ADAM17: variants seen among roughly 807,000 people sequenced by gnomAD.
ADAM17 encodes the protein disintegrin and metalloproteinase domain-containing protein 17.
Under a neutral mutation model 96.7 loss-of-function variants are expected in ADAM17, and 39 were observed. The observed-to-expected ratio is 0.40, with a 90% CI of 0.31 to 0.53. The LOEUF is 0.53. Among genes scored for constraint, ADAM17 ranks in the 20% least tolerant of loss-of-function variants. The probability of loss-of-function intolerance (pLI) is 0.44; values close to 1 mark genes in which losing one functional copy is unlikely to be tolerated. For missense variants in ADAM17, 777 were observed against 1,013.2 expected (o/e 0.77, Z 3.17); for synonymous variants, 344 against 359.2 (o/e 0.96, Z 0.48).
intron 6 of ADAM17, among the ~76,000 whole-genome samples, chr2:9,524,553 C>T (rs1664443420): frequency 6.6e-6 from 1 of 152,154 alleles, no homozygotes; most frequent in Non-Finnish European, 1.5e-5. Flanking sequence ...CACCCCCGCA[C>T]TGTTCCTGGG....
chr2:9,555,346 C>G (rs910782402), intron 1 of ADAM17, among the ~76,000 whole-genome samples, 163 bp downstream of exon 1: 6 of 152,294 alleles, frequency 3.9e-5, no homozygotes, highest in East Asian at 1.9e-4. Flanking sequence ...TTTATTCTTT[C>G]CCCAAACTCC....
intron 10 of ADAM17, among the ~76,000 whole-genome samples, chr2:9,511,309 G>A (rs1490398775): frequency 1.3e-5 from 2 of 152,132 alleles, no homozygotes; most frequent in African/African-American, 2.4e-5. Flanking sequence ...AATTAGCTGG[G>A]TGTGGTGGCG....
At chr2:9,512,250 A>G (rs1283646811) in intron 10 of ADAM17, 3 of 108,606 alleles carry the variant, frequency 2.8e-5, no homozygotes, top group African/African-American at 8.3e-5. Flanking sequence ...GGATTTGCTA[A>G]TGACTCTTAA....
intron 2 of ADAM17, among the ~76,000 whole-genome samples, chr2:9,542,298 G>A (rs961001385): frequency 6.6e-6 from 1 of 152,168 alleles, no homozygotes; most frequent in African/African-American, 2.4e-5. Flanking sequence ...CCAGCACTTT[G>A]GGAGGCCAAG....
intron 1 of ADAM17, among the ~76,000 whole-genome samples, chr2:9,546,580 G>C (rs1193753739): frequency 2.6e-5 from 4 of 152,092 alleles, no homozygotes; most frequent in African/African-American, 7.2e-5. Context: ...CATTTCCCAA[G>C]AGTTTATCTC....
chr2:9,514,488 A>G (rs934960382), intron 10 of ADAM17, among the ~76,000 whole-genome samples: 1 of 140,734 alleles, frequency 7.1e-6, no homozygotes, highest in South Asian at 2.4e-4. Context: ...CGTTGTGCAC[A>G]TGTATCCTAG....
chr2:9,541,286 G>A (rs1327788896), intron 2 of ADAM17, among the ~76,000 whole-genome samples: 3 of 152,128 alleles, frequency 2.0e-5, no homozygotes, highest in African/African-American at 7.2e-5. Flanking sequence ...TTTTGGGTCG[G>A]GCACGGTGGC....
At position 9,533,787 on chromosome 2, in the gene ADAM17, G is replaced by A. The variant is rs144785910; in HGVS notation, c.450+2047C>T. 7.9e-5 allele frequency among the ~76,000 whole-genome samples: 12 copies of A among 152,206 alleles called. 1 individual carries two copies. The East Asian group carries it at 2.3e-3, about 29-fold the overall frequency. On this transcript the variant is annotated intron_variant, in intron 4 of 18. Transcript: ENST00000310823. ...TTCTCTAGCTCTGTTTTCTTTCTGT[G>A]AGAACTACAGAGGACATGTGTCCAA...
rs773103941 is a variant in ADAM17 at position 9,536,708 on chromosome 2, T to C, written c.351A>G (p.Gly117=). The C allele has an allele frequency of 2.5e-6, 4 of 1,614,020 alleles. No individual in the cohort carries two copies. The highest frequency in any genetic ancestry group is 2.2e-5 in the South Asian group (2 of 91,074). ...AAGCTCCATACTAACCAACCACGTG[T>C]CCAGTGAAGAAGTCCTGCCATTTTA... The part of the protein sequence containing the change: ...YTVKWQDFFT[G]HVVGEPDSRV... The change falls in exon 3 of 19, where the codon GGA becomes GGG. Residue 117 remains glycine, a synonymous_variant. Coordinates refer to ENST00000310823, the MANE Select transcript of ADAM17 (RefSeq NM_003183.6).
At chr2:9,507,379 G>A (rs944598549) in intron 11 of ADAM17, among the ~76,000 whole-genome samples, 7 of 152,114 alleles carry the variant, frequency 4.6e-5, no homozygotes, top group African/African-American at 1.7e-4. Context: ...GCATGCACCT[G>A]TAACCCCAGC....
At chr2:9,552,012 C>A (rs1161950049) in intron 1 of ADAM17, among the ~76,000 whole-genome samples, 6 of 152,158 alleles carry the variant, frequency 3.9e-5, no homozygotes, top group Non-Finnish European at 8.8e-5. Flanking sequence ...GTAATGTGTG[C>A]TGTCATGCCA....
intron 6 of ADAM17, among the ~76,000 whole-genome samples, chr2:9,524,917 T>A (rs12692384): frequency 1.3e-5 from 2 of 151,966 alleles, no homozygotes; most frequent in African/African-American, 4.8e-5. Context: ...AGGTTTGTTC[T>A]AGCAACTGTG....
intron 10 of ADAM17, among the ~76,000 whole-genome samples, chr2:9,514,697 C>T (rs541457081): frequency 3.3e-5 from 5 of 151,144 alleles, no homozygotes; most frequent in Admixed American, 6.6e-5. Context: ...CACAGTGAAA[C>T]CCCGTCTCTA....
intron 1 of ADAM17, among the ~76,000 whole-genome samples, chr2:9,544,435 G>A (rs1378132898): frequency 6.6e-6 from 1 of 152,208 alleles, no homozygotes; most frequent in African/African-American, 2.4e-5. Context: ...TGAGGCAGGA[G>A]AATCGCTTGA....
chr2:9,497,862 T>C (rs1662722751), intron 13 of ADAM17, among the ~76,000 whole-genome samples: 2 of 152,136 alleles, frequency 1.3e-5, no homozygotes, highest in African/African-American at 4.8e-5. Flanking sequence ...CTTCTCTCCT[T>C]CATTGCATAT....
At chr2:9,515,159 AT>A (rs371285639) in intron 10 of ADAM17, among the ~76,000 whole-genome samples, 7 of 152,040 alleles carry the variant, frequency 4.6e-5, no homozygotes, top group African/African-American at 1.7e-4. Context: ...CTCTCCACCT[AT>A]TCATCCCTCC....
Position 9,494,626 on chromosome 2 carries a change from T to C in ADAM17, c.1914+11A>G. ...TGGCTGTTACAGAAAAAGCTGTACA[T>C]AAATACTCACATTCATGTCACAAAA... On this transcript the variant is annotated intron_variant, in intron 15 of 18. Transcript: ENST00000310823. 1 of 1,613,426 alleles carries C rather than the reference T, an allele frequency of 6.2e-7. No homozygotes were observed. Among genetic ancestry groups the C allele is most frequent in the Non-Finnish European group, 8.5e-7 (1 of 1,179,708 alleles).
chr2:9,509,758 A>G (rs1016962854), intron 11 of ADAM17, among the ~76,000 whole-genome samples: 4 of 152,182 alleles, frequency 2.6e-5, no homozygotes, highest in African/African-American at 9.7e-5. Context: ...TCAAATCTAC[A>G]CCATTAAGCT....
At position 9,494,707 on chromosome 2, in the gene ADAM17, A is replaced by C; in HGVS notation, c.1844T>G (p.Val615Gly). The change falls in exon 15 of 19, where the codon GTC becomes GGC. Residue 615 changes from valine to glycine, a missense_variant. Around this residue, in one of 3 missense-constraint regions of ADAM17, gnomAD observed 446 missense variants for 664.7 expected, o/e 0.67. Coordinates refer to ENST00000310823, the MANE Select transcript of ADAM17 (RefSeq NM_003183.6). ...RDLSGRCVPYVDAEQKNLFLR... is the reference protein window; with the variant it reads ...RDLSGRCVPYGDAEQKNLFLR... ...AAATAAGTTCTTTTGTTCAGCATCG[A>C]CATAGGGCACACAGCGGCCAGAAAG... is the stretch of plus-strand genomic sequence containing the variant. 1 of 1,614,142 alleles carries C rather than the reference A, an allele frequency of 6.2e-7. No homozygotes were observed. Among genetic ancestry groups the C allele is most frequent in the Admixed American group, 1.7e-5 (1 of 60,020 alleles).
Sources: allele counts gnomAD v4.1 joint callset (sites outside exome capture counted in the v4.1 genomes callset), GRCh38; gene constraint gnomAD v4.1.1; regional missense constraint gnomAD v4.1.1; transcripts MANE v1.5; gene names NCBI Gene and HGNC (gene_info 2026-07-23, HGNC 2026-07-21).